GPHN: variants seen among roughly 807,000 people sequenced by gnomAD.
GPHN encodes gephyrin.
GPHN carries 17 observed loss-of-function variants against 95.5 expected under a neutral mutation model. The observed-to-expected ratio is 0.18, with a 90% CI of 0.12 to 0.27. The LOEUF (loss-of-function observed/expected upper bound fraction) is 0.27. Among genes scored for constraint, GPHN ranks in the 10% least tolerant of loss-of-function variants. The probability of loss-of-function intolerance (pLI) is 1.00; values close to 1 mark genes in which losing one functional copy is unlikely to be tolerated. For synonymous variants in GPHN, 320 were observed against 322.5 expected (o/e 0.99, Z 0.08); for missense variants, 660 against 978.1 (o/e 0.67, Z 4.34).
intron 1 of GPHN, among the ~76,000 whole-genome samples, chr14:66,623,285 A>G (rs1009051178): frequency 3.9e-5 from 6 of 152,178 alleles, no homozygotes; most frequent in South Asian, 2.1e-4. Context: ...CCATAATTCA[A>G]TCACCTCCGA....
intron 12 of GPHN, among the ~76,000 whole-genome samples, chr14:67,098,710 T>A (rs546902983): frequency 1.1e-4 from 17 of 151,868 alleles, no homozygotes; most frequent in African/African-American, 4.1e-4. Flanking sequence ...TAATCCCAGC[T>A]ACTCAGGAGG....
At chr14:66,771,348 T>A (rs928724434) in intron 2 of GPHN, among the ~76,000 whole-genome samples, 1 of 152,204 alleles carries the variant, frequency 6.6e-6, no homozygotes, top group Non-Finnish European at 1.5e-5. Context: ...TTTCATGTCC[T>A]TCTCGTCATA....
chr14:66,969,266 G>A (rs2069568686), intron 9 of GPHN: 1 of 151,960 alleles, frequency 6.6e-6, no homozygotes, highest in Non-Finnish European at 1.5e-5. Context: ...AACAAAGTTG[G>A]GATATTTGAC....
the GPHN span, chr14:67,729,052 C>A: frequency 1.2e-6 from 1 of 865,030 alleles, no homozygotes. Flanking sequence ...TTCCGCCTGG[C>A]CAGGAGTGGT....
intron 5 of GPHN, among the ~76,000 whole-genome samples, chr14:66,910,459 T>A (rs2065617796): frequency 6.6e-6 from 1 of 151,938 alleles, no homozygotes; most frequent in South Asian, 2.1e-4. Context: ...GAATGTAAAT[T>A]GGTACAAACA....
chr14:67,694,924 T>C, the GPHN span, among the ~76,000 whole-genome samples: 398 of 152,062 alleles, frequency 2.6e-3, 2 homozygotes, highest in Non-Finnish European at 4.6e-3. Flanking sequence ...AGGCTGCCGG[T>C]TTTACAGCCC....
At chr14:67,301,332 G>C in the GPHN span, 1 of 1,093,444 alleles carries the variant, frequency 9.1e-7, no homozygotes, top group Non-Finnish European at 1.4e-6. Context: ...CCTGCATACA[G>C]GTGCTACTGA....
the GPHN span, chr14:67,653,419 G>A: frequency 6.2e-7 from 1 of 1,611,274 alleles, no homozygotes; most frequent in South Asian, 1.1e-5. Flanking sequence ...GAAATTTCAT[G>A]ACTTTAATAA....
intron 9 of GPHN, among the ~76,000 whole-genome samples, chr14:66,990,172 C>G (rs117129141): frequency 0.012 from 1,831 of 152,148 alleles, 19 homozygotes; most frequent in Non-Finnish European, 0.018. Flanking sequence ...TTAAAACCAT[C>G]AGATCTAGTG....
At chr14:66,875,934 A>G (rs1268607526) in intron 4 of GPHN, among the ~76,000 whole-genome samples, 1 of 152,186 alleles carries the variant, frequency 6.6e-6, no homozygotes, top group Non-Finnish European at 1.5e-5. Flanking sequence ...CTCCACCCCA[A>G]ATCAACAGAA....
In GPHN at chr14:66,816,987, G is replaced by A. The variant is rs1449853146; in HGVS notation, c.202-7487G>A. On this transcript the variant is annotated intron_variant, in intron 3 of 22. Transcript: ENST00000478722. ...GGCAATAATTTTGCTAAAAATTTCT[G>A]TAATCATGTTTTTTATTGTTAAATA... Among the ~76,000 whole-genome samples, 4 of 152,010 alleles carry A rather than the reference G, an allele frequency of 2.6e-5. No individual in the cohort carries two copies. The South Asian group carries it at 8.3e-4, about 31-fold the overall frequency.
At chr14:67,151,135 T>G (rs2081261869) in intron 18 of GPHN, among the ~76,000 whole-genome samples, 1 of 152,144 alleles carries the variant, frequency 6.6e-6, no homozygotes, top group Non-Finnish European at 1.5e-5. Context: ...CACTTCACAC[T>G]CACAAAATGA....
At chr14:67,734,456 CTTA>C in the GPHN span, 1 of 154,902 alleles carries the variant, frequency 6.5e-6, no homozygotes, top group Non-Finnish European at 1.4e-5. Context: ...ATCTCATTGT[CTTA>C]TTTATTTTCT....
intron 18 of GPHN, among the ~76,000 whole-genome samples, chr14:67,147,035 A>G (rs530913616): frequency 6.6e-6 from 1 of 152,314 alleles, no homozygotes; most frequent in East Asian, 1.9e-4. Context: ...TCTGTCTCAA[A>G]AAAACAAAAC....
At chr14:66,688,315 A>C (rs2067534819) in intron 2 of GPHN, among the ~76,000 whole-genome samples, 1 of 152,158 alleles carries the variant, frequency 6.6e-6, no homozygotes, top group Admixed American at 6.5e-5. Flanking sequence ...AGAGGCAGAG[A>C]AGAGTTGTCA....
chr14:67,527,330 G>A, the GPHN span, among the ~76,000 whole-genome samples: 1 of 152,164 alleles, frequency 6.6e-6, no homozygotes, highest in East Asian at 1.9e-4. Flanking sequence ...CCAGAGAATT[G>A]TGAGAATTAA....
At chr14:67,576,984 T>G in the GPHN span, among the ~76,000 whole-genome samples, 1 of 152,086 alleles carries the variant, frequency 6.6e-6, no homozygotes, top group African/African-American at 2.4e-5. The surrounding 1 kb of genome is among the most constrained non-coding windows in gnomAD (Gnocchi z 4.0). Context: ...TCTGACCAAT[T>G]CATATGCCCC....
chr14:67,709,969 T>A, the GPHN span, among the ~76,000 whole-genome samples: 1 of 152,210 alleles, frequency 6.6e-6, no homozygotes, highest in African/African-American at 2.4e-5. Flanking sequence ...CTAATTTGCC[T>A]CCTTTGGAAA....
chr14:67,174,672 G>A (rs564113385), intron 21 of GPHN, among the ~76,000 whole-genome samples: 11 of 152,272 alleles, frequency 7.2e-5, no homozygotes, highest in Non-Finnish European at 1.5e-4. Context: ...TTCCACAATG[G>A]TTGAACTAAT....
Sources: allele counts gnomAD v4.1 joint callset (sites outside exome capture counted in the v4.1 genomes callset), GRCh38; gene constraint gnomAD v4.1.1; non-coding constraint Gnocchi (gnomAD v3.1); transcripts MANE v1.5; gene names NCBI Gene and HGNC (gene_info 2026-07-23, HGNC 2026-07-21).